The following CACNA2D3 variants were observed in gnomAD, a reference collection of about 807,000 sequenced individuals.
CACNA2D3 encodes the protein voltage-dependent calcium channel subunit alpha-2/delta-3.
A neutral mutation model predicts 160.6 loss-of-function variants in CACNA2D3; 60 were observed. That is an observed-to-expected ratio of 0.37 (90% confidence interval 0.30 to 0.46). The LOEUF (loss-of-function observed/expected upper bound fraction) is 0.46, where lower values mean the gene tolerates loss of function less well. Ranked by LOEUF, CACNA2D3 falls within the 20% of genes least tolerant of loss-of-function variation. CACNA2D3 has a pLI of 1.00. For missense variants in CACNA2D3, 1,205 were observed against 1,365.0 expected (o/e 0.88, Z 1.85); for synonymous variants, 558 against 492.9 (o/e 1.13, Z -1.75).
At chr3:54,444,097 C>T (rs1220478459) in intron 4 of CACNA2D3, among the ~76,000 whole-genome samples, 5 of 152,092 alleles carry the variant, frequency 3.3e-5, no homozygotes, top group Admixed American at 2.0e-4. Flanking sequence ...CACCGCATTT[C>T]CCCCTTATCT....
At chr3:54,961,273 A>G (rs560052482) in intron 27 of CACNA2D3, among the ~76,000 whole-genome samples, 1 of 152,342 alleles carries the variant, frequency 6.6e-6, no homozygotes, top group East Asian at 1.9e-4. Flanking sequence ...CAAGCCATGT[A>G]AAAATACCCA....
rs866411175 is a variant in CACNA2D3 at position 54,646,184 on chromosome 3, C to T, written c.1167+3943C>T. On this transcript the variant is annotated intron_variant, in intron 11 of 37. Transcript: ENST00000474759. ...CCTCCCTCCCTCCCTCCCTCCCTCCCTCCTTCCTTGCTTCCTTCCTTCCTT... is the reference window on the plus strand; with the variant it reads ...CCTCCCTCCCTCCCTCCCTCCCTCCTTCCTTCCTTGCTTCCTTCCTTCCTT... Among the ~76,000 whole-genome samples, 74 of 14,860 alleles carry T rather than the reference C, an allele frequency of 5.0e-3. 3 individuals carry two copies. The highest frequency in any genetic ancestry group is 0.1 in the Middle Eastern group (1 of 10). 9.7% of individuals were successfully genotyped at this position (14,860 alleles called of 152,430 possible).
At chr3:54,730,120 A>G (rs1701359153) in intron 11 of CACNA2D3, among the ~76,000 whole-genome samples, 1 of 152,168 alleles carries the variant, frequency 6.6e-6, no homozygotes, top group African/African-American at 2.4e-5. Context: ...ACCTGAAAAA[A>G]TGTACACTGC....
intron 4 of CACNA2D3, among the ~76,000 whole-genome samples, chr3:54,417,949 G>C (rs1333777214): frequency 1.3e-5 from 2 of 152,182 alleles, no homozygotes; most frequent in African/African-American, 4.8e-5. Flanking sequence ...ACCACACCCA[G>C]GTAATTTTTA....
chr3:54,200,797 C>T (rs775281211), intron 2 of CACNA2D3, among the ~76,000 whole-genome samples: 8 of 152,146 alleles, frequency 5.3e-5, no homozygotes, highest in Non-Finnish European at 8.8e-5. Context: ...ATTATATTGA[C>T]CCTGTAGACT....
chr3:54,458,476 A>C (rs1027307124), intron 4 of CACNA2D3, among the ~76,000 whole-genome samples: 7 of 148,682 alleles, frequency 4.7e-5, no homozygotes, highest in Non-Finnish European at 7.4e-5. Flanking sequence ...CCCTTTTACT[A>C]CTTTGAATAT....
intron 27 of CACNA2D3, among the ~76,000 whole-genome samples, chr3:54,910,333 A>T (rs151296470): frequency 4.6e-5 from 7 of 152,114 alleles, no homozygotes; most frequent in African/African-American, 1.7e-4. Flanking sequence ...TATTTGTGTG[A>T]TGCATTACTC....
rs191607494 is a variant in CACNA2D3, at chr3:54,227,309, C to T, written c.205-93133C>T. ...GCTATGTGCTAGGCCCCTTTTTGTG[C>T]GCTTCCTGGGGATAAGCTATTAGGC... On this transcript the variant is annotated intron_variant, in intron 2 of 37. Transcript: ENST00000474759. Among the ~76,000 whole-genome samples, 27 of 152,068 alleles carry T rather than the reference C, an allele frequency of 1.8e-4. No homozygotes were observed. The East Asian group carries it at 3.1e-3, about 17-fold the overall frequency.
At chr3:54,334,245 C>T (rs1704327556) in intron 3 of CACNA2D3, among the ~76,000 whole-genome samples, 1 of 152,054 alleles carries the variant, frequency 6.6e-6, no homozygotes, top group South Asian at 2.1e-4. Context: ...CGCCACGACG[C>T]TCAGCTAATT....
chr3:54,364,659 C>T (rs1448912506), intron 3 of CACNA2D3, among the ~76,000 whole-genome samples: 6 of 152,128 alleles, frequency 3.9e-5, no homozygotes, highest in East Asian at 1.9e-4. Flanking sequence ...GAAGTAAGAC[C>T]GTTGCATTTC....
At chr3:54,243,647 G>A (rs1353274645) in intron 2 of CACNA2D3, among the ~76,000 whole-genome samples, 2 of 152,138 alleles carry the variant, frequency 1.3e-5, no homozygotes, top group African/African-American at 2.4e-5. Context: ...AAACGAAAAC[G>A]AAACAAAACA....
At chr3:54,243,507 GTC>G (rs1208043514) in intron 2 of CACNA2D3, among the ~76,000 whole-genome samples, 1 of 152,172 alleles carries the variant, frequency 6.6e-6, no homozygotes, top group Non-Finnish European at 1.5e-5. Flanking sequence ...TTGTTCATGT[GTC>G]TTTAACTTTG....
rs1699989660 is a variant in CACNA2D3, at chr3:54,888,825, G to A, written c.2150+773G>A. On this transcript the variant is annotated intron_variant, in intron 24 of 37. Transcript: ENST00000474759. ...TCATTTTCATTCATTCACTCATCAA[G>A]TCTTGACTGTGTGTCTGTTATGTGC... Among the ~76,000 whole-genome samples, 2 of 151,992 alleles carry A rather than the reference G, an allele frequency of 1.3e-5. 1 individual carries two copies. Among genetic ancestry groups the A allele is most frequent in the South Asian group, 4.1e-4 (2 of 4,820 alleles).
At position 54,172,643 on chromosome 3, in the gene CACNA2D3, T is replaced by G. The variant is rs141327704; in HGVS notation, c.204+49049T>G. On this transcript the variant is annotated intron_variant, in intron 2 of 37. Coordinates refer to ENST00000474759, the MANE Select transcript of CACNA2D3 (RefSeq NM_018398.3). Reference sequence around the variant, plus strand: ...TGAATTAGATTGAAACATGAAACTGTTGATATTTCATCATTTTTGACTTAA... The same window carrying G: ...TGAATTAGATTGAAACATGAAACTGGTGATATTTCATCATTTTTGACTTAA... Among the ~76,000 whole-genome samples the G allele has an allele frequency of 5.3e-3, 810 of 152,310 alleles. 12 individuals carry two copies. Among genetic ancestry groups the G allele is most frequent in the African/African-American group, 0.019 (787 of 41,558 alleles).
At chr3:54,689,523 T>C (rs200081297) in intron 11 of CACNA2D3, among the ~76,000 whole-genome samples, 1 of 152,122 alleles carries the variant, frequency 6.6e-6, no homozygotes, top group East Asian at 1.9e-4. Context: ...CAGACTTCTC[T>C]TGTCCAAAGT....
intron 13 of CACNA2D3, among the ~76,000 whole-genome samples, chr3:54,776,240 G>T (rs1165374303): frequency 6.6e-6 from 1 of 152,208 alleles, no homozygotes; most frequent in African/African-American, 2.4e-5. Context: ...GAGGCTGCCT[G>T]CAGTGGCTTA....
At chr3:54,856,661 A>G (rs535774296) in intron 17 of CACNA2D3, among the ~76,000 whole-genome samples, 9 of 152,376 alleles carry the variant, frequency 5.9e-5, no homozygotes, top group Admixed American at 2.0e-4. Context: ...AAAATACTAC[A>G]CAATTTGGAT....
intron 4 of CACNA2D3, among the ~76,000 whole-genome samples, chr3:54,422,060 A>G (rs1188308330): frequency 6.6e-6 from 1 of 152,166 alleles, no homozygotes; most frequent in African/African-American, 2.4e-5. Flanking sequence ...ACGTGTTTTA[A>G]TATATCCTTC....
chr3:54,342,231 T>C (rs1018281713), intron 3 of CACNA2D3, among the ~76,000 whole-genome samples: 1 of 152,176 alleles, frequency 6.6e-6, no homozygotes, highest in African/African-American at 2.4e-5. Flanking sequence ...AGGCCACTTA[T>C]CCACTGGACA....
Sources: gnomAD v4.1 joint callset for allele counts (sites outside exome capture counted in the v4.1 genomes callset) on GRCh38, gnomAD v4.1.1 for gene constraint, MANE v1.5 for transcripts, NCBI Gene and HGNC (gene_info 2026-07-23, HGNC 2026-07-21) for gene names.